The following SAMMSON variants were observed in gnomAD, a reference collection of about 807,000 sequenced individuals.
The protein encoded by SAMMSON is long intergenic non-protein coding RNA 1212.
intron 4 of SAMMSON, among the ~76,000 whole-genome samples, chr3:70,115,889 T>A (rs1447123300): frequency 6.6e-6 from 1 of 152,148 alleles, no homozygotes; most frequent in Non-Finnish European, 1.5e-5. Context: ...AGTGTTGACA[T>A]CTCAACCATG....
At chr3:70,267,412 T>G (rs1265485341) in intron 6 of SAMMSON, among the ~76,000 whole-genome samples, 2 of 130,344 alleles carry the variant, frequency 1.5e-5, no homozygotes, top group African/African-American at 5.9e-5. Flanking sequence ...TTTTTTTTTT[T>G]TTTTTTTTGA....
chr3:70,219,535 A>G (rs1701443178), intron 4 of SAMMSON, among the ~76,000 whole-genome samples: 1 of 152,192 alleles, frequency 6.6e-6, no homozygotes, highest in African/African-American at 2.4e-5. Context: ...GATTGCAAGA[A>G]TAAGTTTGTA....
At chr3:70,342,693 T>G (rs978032065) in intron 7 of SAMMSON, among the ~76,000 whole-genome samples, 1 of 152,166 alleles carries the variant, frequency 6.6e-6, no homozygotes, top group Non-Finnish European at 1.5e-5. Flanking sequence ...AGAAACATCA[T>G]CTTTTGACAG....
intron 2 of SAMMSON, among the ~76,000 whole-genome samples, chr3:70,432,956 G>A (rs992209832): frequency 1.1e-4 from 17 of 151,902 alleles, no homozygotes; most frequent in African/African-American, 4.1e-4. Flanking sequence ...TCAGCAATAT[G>A]CATTTAAGAT....
chr3:70,387,938 C>T (rs1260020795), intron 9 of SAMMSON, among the ~76,000 whole-genome samples: 1 of 150,726 alleles, frequency 6.6e-6, no homozygotes, highest in Admixed American at 6.7e-5. Context: ...ATAATAAAAT[C>T]CTGGCTTAAC....
intron 3 of SAMMSON, among the ~76,000 whole-genome samples, chr3:70,019,168 T>A (rs1444819541): frequency 1.3e-5 from 2 of 152,220 alleles, no homozygotes; most frequent in African/African-American, 4.8e-5. Context: ...ATGTGTCTAA[T>A]GTTGACAGTG....
intron 3 of SAMMSON, among the ~76,000 whole-genome samples, chr3:70,045,096 AAT>A (rs1287396503): frequency 6.2e-4 from 75 of 121,734 alleles, no homozygotes; most frequent in Admixed American, 3.8e-3. Context: ...AATTAATTAT[AAT>A]ATATATTATA....
At chr3:70,397,805 G>A (rs1234614172) in intron 2 of SAMMSON, among the ~76,000 whole-genome samples, 1 of 152,080 alleles carries the variant, frequency 6.6e-6, no homozygotes, top group East Asian at 1.9e-4. Context: ...AGTCATCTCA[G>A]TATCCACACT....
chr3:70,079,268 C>G (rs1211571069), intron 4 of SAMMSON, among the ~76,000 whole-genome samples: 1 of 152,104 alleles, frequency 6.6e-6, no homozygotes, highest in Non-Finnish European at 1.5e-5. Context: ...TTGTGGGTAT[C>G]TCTTCTTAAC....
At chr3:70,042,810 G>C (rs926443160) in intron 3 of SAMMSON, among the ~76,000 whole-genome samples, 1 of 152,064 alleles carries the variant, frequency 6.6e-6, no homozygotes, top group African/African-American at 2.4e-5. Flanking sequence ...GATATGAAAG[G>C]TTAATTCAGA....
In SAMMSON at chr3:70,267,631, T is replaced by C. The variant is rs189544480; in HGVS notation, n.674+17961T>C. On this transcript the variant is annotated intron_variant and non_coding_transcript_variant, in intron 6 of 9. Coordinates refer to ENST00000642114, the Ensembl canonical transcript of SAMMSON. ...CGGGGTTTCACCCTGTTAGCCAGAATGGTCTTGACCTCCTGACCTCGAGGT... is the reference window on the plus strand; with the variant it reads ...CGGGGTTTCACCCTGTTAGCCAGAACGGTCTTGACCTCCTGACCTCGAGGT... 4.1e-5 allele frequency among the ~76,000 whole-genome samples: 6 copies of C among 146,716 alleles called. No homozygotes were observed. The East Asian group carries it at 1.0e-3, about 25-fold the overall frequency.
intron 4 of SAMMSON, among the ~76,000 whole-genome samples, chr3:70,130,501 C>T (rs2067478708): frequency 6.6e-6 from 1 of 152,076 alleles, no homozygotes; most frequent in Admixed American, 6.5e-5. Context: ...TTCTTTGTTC[C>T]CTCTGCTTGA....
chr3:70,409,944 C>T (rs181206313), intron 2 of SAMMSON, among the ~76,000 whole-genome samples: 1 of 152,004 alleles, frequency 6.6e-6, no homozygotes, highest in Non-Finnish European at 1.5e-5. Context: ...AGCATAATAC[C>T]CAACAGTTTT....
chr3:70,172,328 T>C (rs1360789446), intron 4 of SAMMSON: 2 of 151,244 alleles, frequency 1.3e-5, no homozygotes, highest in Non-Finnish European at 3.0e-5. Flanking sequence ...TGGGGTACTC[T>C]CTGCGTCATG....
intron 6 of SAMMSON, among the ~76,000 whole-genome samples, chr3:70,281,072 A>C (rs1702078227): frequency 6.6e-6 from 1 of 152,120 alleles, no homozygotes; most frequent in South Asian, 2.1e-4. Context: ...CATGTTAATA[A>C]ATTTTGTATG....
chr3:70,430,707 T>C (rs917561479), intron 2 of SAMMSON, among the ~76,000 whole-genome samples: 2 of 152,192 alleles, frequency 1.3e-5, no homozygotes, highest in African/African-American at 4.8e-5. Context: ...ATCGAGTCTC[T>C]ACCCACTGGG....
At chr3:70,081,750 T>C (rs2067268957) in intron 4 of SAMMSON, among the ~76,000 whole-genome samples, 1 of 152,200 alleles carries the variant, frequency 6.6e-6, no homozygotes, top group Non-Finnish European at 1.5e-5. Flanking sequence ...TTGATAAATA[T>C]TGTTGCACTT....
chr3:70,031,308 T>C (rs2067065340), intron 3 of SAMMSON, among the ~76,000 whole-genome samples: 1 of 152,168 alleles, frequency 6.6e-6, no homozygotes, highest in Non-Finnish European at 1.5e-5. Flanking sequence ...TATGGTATGA[T>C]TCCACTTATA....
chr3:70,355,201 G>A (rs1702820489), intron 8 of SAMMSON, among the ~76,000 whole-genome samples: 1 of 152,100 alleles, frequency 6.6e-6, no homozygotes, highest in Non-Finnish European at 1.5e-5. Flanking sequence ...ATCTGGTTGA[G>A]AATACAGCAT....
Sources: gnomAD v4.1 joint callset for allele counts (sites outside exome capture counted in the v4.1 genomes callset) on GRCh38, gnomAD v4.1.1 for gene constraint, MANE v1.5 for transcripts, NCBI Gene and HGNC (gene_info 2026-07-23, HGNC 2026-07-21) for gene names.